The following SYT1 variants were observed in gnomAD, a reference collection of about 807,000 sequenced individuals.
SYT1 encodes synaptotagmin 1, also known as synaptotagmin-1.
SYT1 carries 8 observed loss-of-function variants against 44.8 expected under a neutral mutation model. The observed-to-expected ratio is 0.18, with a 90% confidence interval of 0.10 to 0.32. SYT1 has a LOEUF of 0.32. Ranked by LOEUF, SYT1 falls within the 10% of genes least tolerant of loss-of-function variation. The pLI, the probability that SYT1 is intolerant of heterozygous loss-of-function variation, is 1.00. For missense variants in SYT1, 286 were observed against 509.3 expected, an observed-to-expected ratio of 0.56 and a Z score of 4.22; for synonymous variants, 154 against 188.8, an observed-to-expected ratio of 0.82 and a Z score of 1.51.
intron 1 of SYT1, among the ~76,000 whole-genome samples, chr12:78,947,341 C>G (rs1410987901): frequency 6.6e-6 from 1 of 152,062 alleles, no homozygotes; most frequent in African/African-American, 2.4e-5. Context: ...GGAAACATCA[C>G]TCATGTTTAG....
At chr12:79,123,200 T>C (rs1202935395) in intron 3 of SYT1, among the ~76,000 whole-genome samples, 1 of 152,118 alleles carries the variant, frequency 6.6e-6, no homozygotes, top group Non-Finnish European at 1.5e-5. Flanking sequence ...CCTACCTAAG[T>C]GCCCATCTAT....
chr12:79,227,335 A>G (rs1875583928), intron 4 of SYT1, among the ~76,000 whole-genome samples: 1 of 151,894 alleles, frequency 6.6e-6, no homozygotes, highest in Admixed American at 6.6e-5. Context: ...GTTTTTTAGA[A>G]TTTTTTTTAT....
chr12:79,333,445 A>G (rs1417167067), intron 8 of SYT1, among the ~76,000 whole-genome samples: 1 of 152,176 alleles, frequency 6.6e-6, no homozygotes, highest in Non-Finnish European at 1.5e-5. Context: ...AATTCTGCGG[A>G]GGAGACACAA....
Position 78,945,564 on chromosome 12 carries a change from C to G in SYT1, c.-216-32235C>G, listed in dbSNP as rs575766692. The stretch of plus-strand genomic sequence containing the variant: ...AATGATGTGATTAGGCAAATGTTTT[C>G]AAGCCAAACCTCCCTCCTCTGTTCA... On this transcript the variant is annotated intron_variant, in intron 1 of 10. Transcript: ENST00000261205. Among the ~76,000 whole-genome samples the G allele has an allele frequency of 2.0e-5, 3 of 151,680 alleles. No homozygotes were observed. The East Asian group carries it at 5.8e-4, about 29-fold the overall frequency.
rs199999817 is a variant in SYT1, at chr12:79,308,612, A to AAAAGAAAGAAAGAAAGAAAGAAAGAAAG, written c.810+9081_810+9108dup. ...GAAAGAAGAAAGAAAGAAAGAAAGA[A>AAAAGAAAGAAAGAAAGAAAGAAAGAAAG]AAAGAAAGAAAGAAAGAAAGAAAGA... On this transcript the variant is annotated intron_variant, in intron 8 of 10. Transcript: ENST00000261205. Among the ~76,000 whole-genome samples the AAAAGAAAGAAAGAAAGAAAGAAAGAAAG allele has an allele frequency of 5.4e-4, 73 of 134,306 alleles. 1 individual carries two copies. Among genetic ancestry groups the AAAAGAAAGAAAGAAAGAAAGAAAGAAAG allele is most frequent in the African/African-American group, 1.9e-3 (66 of 35,262 alleles). The allele number at this position is 134,306 out of a possible 152,430, so 88.1% of individuals were successfully genotyped here.
At chr12:79,086,990 G>GAACTATTTCA (rs1192103746) in intron 3 of SYT1, among the ~76,000 whole-genome samples, 1 of 152,014 alleles carries the variant, frequency 6.6e-6, no homozygotes, top group African/African-American at 2.4e-5. Flanking sequence ...GAAATAGCCT[G>GAACTATTTCA]ATAGGATTGA....
chr12:79,232,544 T>G (rs1176198648), intron 4 of SYT1, among the ~76,000 whole-genome samples: 1 of 152,218 alleles, frequency 6.6e-6, no homozygotes, highest in Non-Finnish European at 1.5e-5. Context: ...CCTAGACTCC[T>G]TCTAGTTAGC....
At chr12:79,214,599 A>G (rs1384524155) in intron 3 of SYT1, among the ~76,000 whole-genome samples, 1 of 152,250 alleles carries the variant, frequency 6.6e-6, no homozygotes, top group Admixed American at 6.5e-5. Context: ...GGATCCAGCT[A>G]TCAGTACACA....
chr12:79,265,386 T>C (rs1412596788), intron 4 of SYT1, among the ~76,000 whole-genome samples: 2 of 152,164 alleles, frequency 1.3e-5, no homozygotes, highest in Admixed American at 1.3e-4. Flanking sequence ...GTTGTTATGA[T>C]TAATAGCAAT....
At chr12:79,214,299 T>C (rs548996859) in intron 3 of SYT1, among the ~76,000 whole-genome samples, 20 of 152,280 alleles carry the variant, frequency 1.3e-4, no homozygotes, top group Non-Finnish European at 2.5e-4. Context: ...GATGATATCA[T>C]TGGCTGGTAA....
chr12:79,131,570 TTA>T (rs1426335167), intron 3 of SYT1, among the ~76,000 whole-genome samples: 1 of 152,176 alleles, frequency 6.6e-6, no homozygotes, highest in African/African-American at 2.4e-5. Context: ...TGATTGAACT[TTA>T]ATTTTCATAT....
chr12:78,958,762 T>A (rs1293446715), intron 1 of SYT1, among the ~76,000 whole-genome samples: 3 of 152,032 alleles, frequency 2.0e-5, no homozygotes, highest in Admixed American at 6.6e-5. Context: ...GCAGCTGTAA[T>A]TTGAAATAAA....
intron 2 of SYT1, among the ~76,000 whole-genome samples, chr12:78,984,041 T>C (rs1869455943): frequency 6.6e-6 from 1 of 151,966 alleles, no homozygotes; most frequent in Non-Finnish European, 1.5e-5. Flanking sequence ...CACAGTTTCA[T>C]CAAAATACAG....
intron 1 of SYT1, among the ~76,000 whole-genome samples, chr12:78,885,661 G>T (rs1374078474): frequency 5.3e-5 from 8 of 151,996 alleles, no homozygotes; most frequent in Non-Finnish European, 7.4e-5. Flanking sequence ...AGGTGCTGCA[G>T]GCTGAGGGAG....
At chr12:78,959,720 C>A (rs1194894196) in intron 1 of SYT1, among the ~76,000 whole-genome samples, 2 of 152,076 alleles carry the variant, frequency 1.3e-5, no homozygotes, top group Non-Finnish European at 2.9e-5. Context: ...CTGCTGAGTT[C>A]TTCTGTGTCT....
intron 3 of SYT1, among the ~76,000 whole-genome samples, chr12:79,066,292 G>A (rs17273464): frequency 0.026 from 4,023 of 152,186 alleles, 73 homozygotes; most frequent in Middle Eastern, 0.078. Flanking sequence ...AGCTTCCCTT[G>A]ATCCCCAGAG....
intron 1 of SYT1, among the ~76,000 whole-genome samples, chr12:78,963,657 AAAAC>A (rs1459928076): frequency 6.6e-6 from 1 of 152,162 alleles, no homozygotes; most frequent in Non-Finnish European, 1.5e-5. Flanking sequence ...AAACAAAAAC[AAAAC>A]AAACAAAAAA....
At chr12:79,301,992 C>G (rs1184803813) in intron 8 of SYT1, among the ~76,000 whole-genome samples, 2 of 152,116 alleles carry the variant, frequency 1.3e-5, no homozygotes, top group Non-Finnish European at 2.9e-5. Context: ...ATTCCACTTG[C>G]ATTTTATATC....
At chr12:78,961,069 C>T (rs1166977542) in intron 1 of SYT1, among the ~76,000 whole-genome samples, 3 of 150,472 alleles carry the variant, frequency 2.0e-5, no homozygotes, top group Admixed American at 1.3e-4. Flanking sequence ...TTTTTTGTTG[C>T]TGTTTCCTTA....
Sources: allele counts gnomAD v4.1 joint callset (sites outside exome capture counted in the v4.1 genomes callset), GRCh38; gene constraint gnomAD v4.1.1; transcripts MANE v1.5; gene names NCBI Gene and HGNC (gene_info 2026-07-23, HGNC 2026-07-21).